The following PNPT1 variants were observed in gnomAD, a reference collection of about 807,000 sequenced individuals.
PNPT1 encodes the protein polyribonucleotide nucleotidyltransferase 1, mitochondrial.
A neutral mutation model predicts 119.5 loss-of-function variants in PNPT1; 53 were observed. The observed-to-expected ratio is 0.44, with a 90% CI of 0.36 to 0.56. The LOEUF is 0.56. PNPT1 is among the 20% of genes least tolerant of loss of function. PNPT1 has a pLI of 0.00. For synonymous variants in PNPT1, 357 were observed against 322.1 expected (o/e 1.11, Z -1.16); for missense variants, 948 against 938.5 (o/e 1.01, Z -0.13).
chr2:55,684,230 C>T (rs764702013), intron 4 of PNPT1, among the ~76,000 whole-genome samples: 67 of 152,180 alleles, frequency 4.4e-4, no homozygotes, highest in Admixed American at 3.6e-3. Flanking sequence ...CAGTGGTTCA[C>T]GCCTGCAATC....
chr2:55,636,507 C>A, intron 27 of PNPT1, 115 bp from the exon 28 acceptor site: 8 of 1,112,916 alleles, frequency 7.2e-6, no homozygotes, highest in South Asian at 3.1e-5. Flanking sequence ...TTTACTTGTT[C>A]ACTGAAAGCA....
chr2:55,675,652 C>T (rs1697044291), intron 8 of PNPT1, among the ~76,000 whole-genome samples: 1 of 151,956 alleles, frequency 6.6e-6, no homozygotes, highest in Admixed American at 6.6e-5. Flanking sequence ...GATGTATAAT[C>T]ACACCATTGC....
At chr2:55,677,841 G>A (rs543424285) in intron 8 of PNPT1, among the ~76,000 whole-genome samples, 3 of 151,782 alleles carry the variant, frequency 2.0e-5, no homozygotes, top group South Asian at 4.2e-4. Flanking sequence ...CCGGGTTCAC[G>A]CCATTCTCCT....
rs1402295663 is a variant in PNPT1 at position 55,643,188 on chromosome 2, G to A, written c.2039C>T (p.Ala680Val). Residue 680 changes from alanine (A) to valine (V), a missense_variant, in exon 25 of 28, where the codon GCA (alanine) becomes GTA (valine). By Grantham distance (64) the Ala-to-Val change is moderately conservative (BLOSUM62 0). Transcript: ENST00000447944. ...DDQEQQLEFG[A>V]VYTATITEIR... ...TTCAGTTATTGTGGCGGTATATACT[G>A]CTCCAAATTCTAATTGCTGCTCCTG... is the stretch of plus-strand genomic sequence containing the variant. 6 of 1,614,020 alleles carry A rather than the reference G, an allele frequency of 3.7e-6. No individual in the cohort carries two copies. The highest frequency in any genetic ancestry group is 5.1e-6 in the Non-Finnish European group (6 of 1,180,030).
chr2:55,681,276 C>G (rs915185989), intron 5 of PNPT1, among the ~76,000 whole-genome samples: 1 of 151,948 alleles, frequency 6.6e-6, no homozygotes, highest in Non-Finnish European at 1.5e-5. Context: ...GTGTAGTGGC[C>G]GGTGCCTGTA....
At chr2:55,665,571 A>G (rs1333362226) in intron 13 of PNPT1, among the ~76,000 whole-genome samples, 1 of 152,174 alleles carries the variant, frequency 6.6e-6, no homozygotes, top group African/African-American at 2.4e-5. Context: ...AAACTGGCCA[A>G]AGGATATGGA....
chr2:55,680,870 G>A lies in PNPT1; in HGVS notation c.502C>T (p.Leu168=), dbSNP rs1472597009. 3 of 1,613,780 alleles carry A rather than the reference G, an allele frequency of 1.9e-6. No individual in the cohort carries two copies. Among genetic ancestry groups the A allele is most frequent in the Non-Finnish European group, 2.5e-6 (3 of 1,179,906 alleles). ...TTATACTTACCGCCATTAATTGCTA[G>A]GACATCAGGCTCATTTACACCATCT... ...AVDGVNEPDV[L]AINGASVALS... The change falls in exon 6 of 28, where the codon CTA becomes TTA. Residue 168 remains leucine, a synonymous_variant. Coordinates refer to ENST00000447944, the MANE Select transcript of PNPT1 (RefSeq NM_033109.5).
At chr2:55,667,789 T>C in intron 12 of PNPT1, 73 bp downstream of exon 12, 2 of 1,532,172 alleles carry the variant, frequency 1.3e-6, no homozygotes, top group Non-Finnish European at 1.7e-6. Context: ...CTTTCTTTGA[T>C]CAAGTTTCCA....
chr2:55,657,553 A>G (rs962691868), intron 15 of PNPT1, among the ~76,000 whole-genome samples: 43 of 151,428 alleles, frequency 2.8e-4, no homozygotes, highest in Non-Finnish European at 7.4e-5. Flanking sequence ...ATGCCCAGCT[A>G]ATTTTGTACT....
chr2:55,639,271 CT>C (rs1203106704), intron 26 of PNPT1, among the ~76,000 whole-genome samples: 1 of 152,068 alleles, frequency 6.6e-6, no homozygotes, highest in Non-Finnish European at 1.5e-5. Flanking sequence ...ACATTAAAAA[CT>C]TTTCAAAATA....
intron 5 of PNPT1, among the ~76,000 whole-genome samples, chr2:55,683,380 C>T (rs781206265): frequency 3.3e-5 from 5 of 151,798 alleles, no homozygotes; most frequent in African/African-American, 7.3e-5. Flanking sequence ...TTTGGGAGGC[C>T]GAGGGGGGCG....
chr2:55,685,942 GA>G (rs1440896986), intron 3 of PNPT1, among the ~76,000 whole-genome samples: 5 of 152,082 alleles, frequency 3.3e-5, no homozygotes, highest in African/African-American at 1.2e-4. Flanking sequence ...GGAATGACAA[GA>G]AAAAAAGTCT....
Position 55,636,298 on chromosome 2 carries a change from T to A in PNPT1, c.2291A>T (p.Asn764Ile), listed in dbSNP as rs376543538. 2 of 1,613,852 alleles carry A rather than the reference T, an allele frequency of 1.2e-6. No individual in the cohort carries two copies. The highest frequency in any genetic ancestry group is 1.7e-6 in the Non-Finnish European group (2 of 1,179,880). ...TCCCATTACAATACTACTTCTGTCATTCAAAGTTCTGACCACGGTTGTAGC... is the reference window on the plus strand; with the variant it reads ...TCCCATTACAATACTACTTCTGTCAATCAAAGTTCTGACCACGGTTGTAGC... ...SPATTVVRTL[N>I]DRSSIVMGEP... is the part of the protein sequence containing the mutation. The change falls in exon 28 of 28, where the codon AAT (asparagine) becomes ATT (isoleucine). Residue 764 changes from asparagine to isoleucine, a missense_variant. By Grantham distance (149) the Asn-to-Ile change is moderately radical (BLOSUM62 -3). Transcript: ENST00000447944.
Position 55,656,384 on chromosome 2 carries a change from A to C in PNPT1, c.1285-13T>G, listed in dbSNP as rs1208559172. ...CATAAGGAGGAAACTTAAAAAAAAA[A>C]AAACACAAACACACATATACAATTG... On this transcript the variant is annotated splice_polypyrimidine_tract_variant and intron_variant, in intron 15 of 27. Coordinates refer to ENST00000447944, the MANE Select transcript of PNPT1 (RefSeq NM_033109.5). 1 of 1,586,296 alleles carries C rather than the reference A, an allele frequency of 6.3e-7. No individual in the cohort carries two copies. Among genetic ancestry groups the C allele is most frequent in the Non-Finnish European group, 8.6e-7 (1 of 1,168,920 alleles).
intron 13 of PNPT1, among the ~76,000 whole-genome samples, chr2:55,666,455 T>C (rs561100859): frequency 3.3e-5 from 5 of 152,322 alleles, no homozygotes; most frequent in South Asian, 2.1e-4. Flanking sequence ...CTCAGTTGCA[T>C]ACTTGTGAAA....
chr2:55,649,100 T>C (rs1230796264), intron 18 of PNPT1, among the ~76,000 whole-genome samples: 1 of 152,174 alleles, frequency 6.6e-6, no homozygotes, highest in African/African-American at 2.4e-5. Flanking sequence ...GTAAACTCCC[T>C]GTCAGACATC....
chr2:55,689,274 A>G (rs952814928), intron 1 of PNPT1, among the ~76,000 whole-genome samples: 7 of 152,234 alleles, frequency 4.6e-5, no homozygotes, highest in Non-Finnish European at 8.8e-5. Context: ...AACTTGGCAA[A>G]GGATTTGAAT....
intron 7 of PNPT1, among the ~76,000 whole-genome samples, chr2:55,680,145 C>G (rs992021033): frequency 6.6e-6 from 1 of 152,172 alleles, no homozygotes; most frequent in Non-Finnish European, 1.5e-5. Context: ...CCTTGACAAC[C>G]TGACCACACA....
At chr2:55,660,039 G>C in intron 15 of PNPT1, 118 bp downstream of exon 15, 1 of 954,172 alleles carries the variant, frequency 1.0e-6, no homozygotes, top group Non-Finnish European at 1.5e-6. Context: ...GGGAGGGAGA[G>C]GTTGCAGTGA....
Sources: allele counts gnomAD v4.1 joint callset (sites outside exome capture counted in the v4.1 genomes callset), GRCh38; gene constraint gnomAD v4.1.1; transcripts MANE v1.5; gene names NCBI Gene and HGNC (gene_info 2026-07-23, HGNC 2026-07-21).